SH3PXD2B: variants seen among roughly 807,000 people sequenced by gnomAD.
The protein encoded by SH3PXD2B is SH3 and PX domains 2B, also known as SH3 and PX domain-containing protein 2B.
In SH3PXD2B, 37 loss-of-function variants were observed where a neutral mutation model predicts 73.1. The ratio of observed to expected loss-of-function variants is 0.51; its 90% confidence interval spans 0.39 to 0.67. The LOEUF is 0.67. Among genes scored for constraint, SH3PXD2B ranks in the 30% least tolerant of loss-of-function variants. The pLI, the probability that SH3PXD2B is intolerant of heterozygous loss-of-function variation, is 0.00. For missense variants in SH3PXD2B, 1,053 were observed against 1,197.8 expected (o/e 0.88, Z 1.78); for synonymous variants, 457 against 480.5 (o/e 0.95, Z 0.64).
chr5:172,362,423 C>G (rs942295864), intron 7 of SH3PXD2B, among the ~76,000 whole-genome samples: 5 of 152,182 alleles, frequency 3.3e-5, no homozygotes, highest in African/African-American at 9.7e-5. Context: ...AAAGGCAAAT[C>G]AACAGAGCAC....
chr5:172,330,257 A>C (rs1470901989), downstream of SH3PXD2B, among the ~76,000 whole-genome samples: 2 of 152,028 alleles, frequency 1.3e-5, no homozygotes, highest in Admixed American at 1.3e-4. Flanking sequence ...CTTACAGACA[A>C]CTCCAAGGTA....
At chr5:172,436,994 T>C (rs904656525) in intron 1 of SH3PXD2B, among the ~76,000 whole-genome samples, 1 of 152,066 alleles carries the variant, frequency 6.6e-6, no homozygotes, top group African/African-American at 2.4e-5. Context: ...TCCATCAAGC[T>C]CCCACACTGG....
chr5:172,363,014 A>G (rs961028441), intron 6 of SH3PXD2B, 145 bp from the exon 7 acceptor site: 1 of 1,131,366 alleles, frequency 8.8e-7, no homozygotes. Context: ...TCATCCATTC[A>G]TTGTTCTATT....
intron 8 of SH3PXD2B, among the ~76,000 whole-genome samples, chr5:172,357,838 C>A (rs767882029): frequency 6.6e-6 from 1 of 152,206 alleles, no homozygotes; most frequent in African/African-American, 2.4e-5. Flanking sequence ...ACAGAAATTT[C>A]CCCCTTCTCC....
intron 8 of SH3PXD2B, among the ~76,000 whole-genome samples, chr5:172,356,428 G>A (rs190458684): frequency 6.6e-6 from 1 of 152,344 alleles, no homozygotes; most frequent in Non-Finnish European, 1.5e-5. Flanking sequence ...CCTGAATGAA[G>A]GAACAGGTCA....
chr5:172,451,980 AAAGCCACATGCAGAAAAAC>A (rs1215750394), intron 1 of SH3PXD2B, among the ~76,000 whole-genome samples: 1 of 152,224 alleles, frequency 6.6e-6, no homozygotes, highest in Non-Finnish European at 1.5e-5. Flanking sequence ...ATGAGTGACT[AAAGCCACATGCAGAAAAAC>A]AAGTTCTTGA....
In SH3PXD2B at chr5:172,333,846, A is replaced by G. The variant is rs1756622893; in HGVS notation, c.*4523T>C. 1 of 1,286,734 alleles carries G rather than the reference A, an allele frequency of 7.8e-7. No homozygotes were observed. Among genetic ancestry groups the G allele is most frequent in the African/African-American group, 1.5e-5 (1 of 65,768 alleles). 79.7% of individuals were successfully genotyped at this position (1,286,734 alleles called of 1,614,324 possible). A position where few individuals can be genotyped will look rare whatever the true frequency, so the allele number is the denominator to read the frequency against. On this transcript the variant is annotated 3_prime_UTR_variant, in exon 13 of 13. Transcript: ENST00000311601. ...AATGTGGGTTGTAATCAAGGTGGCC[A>G]CAGTTTATCATCACCCCTCTAAGTG... is the stretch of plus-strand genomic sequence containing the variant.
chr5:172,431,509 T>G (rs987657303), intron 1 of SH3PXD2B, among the ~76,000 whole-genome samples: 10 of 152,348 alleles, frequency 6.6e-5, no homozygotes, highest in African/African-American at 2.4e-4. Context: ...ATTCTCCTTT[T>G]GGCATGATGA....
At chr5:172,454,122 G>A (rs1759870151) in intron 1 of SH3PXD2B, among the ~76,000 whole-genome samples, 156 bp downstream of exon 1, 1 of 149,712 alleles carries the variant, frequency 6.7e-6, no homozygotes, top group South Asian at 2.1e-4. Context: ...AGGAGGAGTC[G>A]GGAGGGACCC....
intron 12 of SH3PXD2B, among the ~76,000 whole-genome samples, chr5:172,343,882 C>G (rs1358280898): frequency 6.6e-6 from 1 of 151,548 alleles, no homozygotes; most frequent in African/African-American, 2.4e-5. Flanking sequence ...CCTGGTTTCA[C>G]AACTCCATTG....
At chr5:172,409,331 G>A (rs1029323053) in intron 2 of SH3PXD2B, among the ~76,000 whole-genome samples, 2 of 150,972 alleles carry the variant, frequency 1.3e-5, no homozygotes, top group Non-Finnish European at 2.9e-5. Context: ...GCAGCGAGCC[G>A]AGACCGCGCC....
In SH3PXD2B at chr5:172,350,432, C is replaced by T. The variant is rs761507282; in HGVS notation, c.943G>A (p.Glu315Lys). 1 of 1,614,054 alleles carries T rather than the reference C, an allele frequency of 6.2e-7. No homozygotes were observed. The highest frequency in any genetic ancestry group is 8.5e-7 in the Non-Finnish European group (1 of 1,180,018). Residue 315 changes from glutamate (E) to lysine (K), a missense_variant, in exon 10 of 13, where the codon GAG becomes AAG. This residue lies in a region of SH3PXD2B where 466 missense variants were observed against 607.1 expected (regional missense o/e 0.77). Coordinates refer to ENST00000311601, the MANE Select transcript of SH3PXD2B (RefSeq NM_001017995.3). ...RQQNAVGREK[E>K]LLSSQRDGRF... ...CCGTCCCTCTGGCTGCTGAGCAGCT[C>T]CTTCTCCCTGCCCACCGCGTTCTGC...
At chr5:172,330,318 A>C (rs1042555965), downstream of SH3PXD2B, among the ~76,000 whole-genome samples, 3 of 152,212 alleles carry the variant, frequency 2.0e-5, no homozygotes, top group African/African-American at 7.2e-5. Flanking sequence ...TCTCTGTTGC[A>C]GTGAGTTACA....
intron 1 of SH3PXD2B, among the ~76,000 whole-genome samples, chr5:172,432,414 G>C (rs1301251582): frequency 6.6e-6 from 1 of 152,124 alleles, no homozygotes; most frequent in Non-Finnish European, 1.5e-5. Context: ...ACTAGGACAA[G>C]GATTCTTGTT....
intron 6 of SH3PXD2B, among the ~76,000 whole-genome samples, chr5:172,373,404 A>T (rs1171657525): frequency 6.6e-6 from 1 of 152,242 alleles, no homozygotes; most frequent in Non-Finnish European, 1.5e-5. Flanking sequence ...AGTGGAACAA[A>T]GGCATTTAAC....
rs753887482 is a variant in SH3PXD2B, at chr5:172,339,805, G to A, written c.1300C>T (p.Pro434Ser). The A allele has an allele frequency of 1.2e-6, 2 of 1,613,846 alleles. No homozygotes were observed. The highest frequency in any genetic ancestry group is 1.7e-6 in the Non-Finnish European group (2 of 1,179,692). ...KYKKTSNASR[P>S]NFLAPLPHEV... ...TGGGGCAGGGGAGCCAGAAAGTTGG[G>A]TCTCGACGCGTTGCTCGTCTTCTTG... Residue 434 changes from proline to serine, a missense_variant, in exon 13 of 13, where the codon CCC becomes TCC. By Grantham distance (74) the Pro-to-Ser change is moderately conservative (BLOSUM62 -1). Coordinates refer to ENST00000311601, the MANE Select transcript of SH3PXD2B (RefSeq NM_001017995.3). The surrounding 1 kb of genome is among the most constrained non-coding windows in gnomAD (Gnocchi z 6.1).
rs371476674 is a variant in SH3PXD2B, at chr5:172,376,030, C to CTT, written c.402-2217_402-2216dup. ...CTTGACAATACTTGTCATGTATCTTCTTTTTTTTTTTTTTTTTGAGGTGGA... is the reference window on the plus strand; with the variant it reads ...CTTGACAATACTTGTCATGTATCTTCTTTTTTTTTTTTTTTTTTTGAGGTGGA... On this transcript the variant is annotated intron_variant, in intron 5 of 12. Coordinates refer to ENST00000311601, the MANE Select transcript of SH3PXD2B (RefSeq NM_001017995.3). Among the ~76,000 whole-genome samples, 706 of 136,152 alleles carry CTT rather than the reference C, an allele frequency of 5.2e-3. 12 individuals are homozygous for CTT. The highest frequency in any genetic ancestry group is 0.018 in the African/African-American group (659 of 35,696). 89.3% of individuals were successfully genotyped at this position (136,152 alleles called of 152,430 possible). A position where few individuals can be genotyped will look rare whatever the true frequency, so the allele number is the denominator to read the frequency against.
rs1757622841 is a variant in SH3PXD2B, at chr5:172,368,678, T to TATATATATTATATATATATAAA, written c.427+5111_427+5112insTTTATATATATATAATATATAT. Among the ~76,000 whole-genome samples the TATATATATTATATATATATAAA allele has an allele frequency of 1.4e-4, 6 of 41,552 alleles. 1 individual carries two copies. Among genetic ancestry groups the TATATATATTATATATATATAAA allele is most frequent in the Non-Finnish European group, 1.8e-4 (5 of 28,452 alleles). 27.3% of individuals were successfully genotyped at this position (41,552 alleles called of 152,430 possible). A position where few individuals can be genotyped will look rare whatever the true frequency, so the allele number is the denominator to read the frequency against. ...ATATATATATTATATATATATAAAA[T>TATATATATTATATATATATAAA]ATATATGTTATATATATAAAATATA... is the stretch of plus-strand genomic sequence containing the variant. On this transcript the variant is annotated intron_variant, in intron 6 of 12. Transcript: ENST00000311601.
At chr5:172,434,928 C>CA (rs1257123397) in intron 1 of SH3PXD2B, among the ~76,000 whole-genome samples, 1 of 152,074 alleles carries the variant, frequency 6.6e-6, no homozygotes, top group Non-Finnish European at 1.5e-5. Context: ...GGATTACAGG[C>CA]ATGCACCACC....
Sources: gnomAD v4.1 joint callset for allele counts (sites outside exome capture counted in the v4.1 genomes callset) on GRCh38, gnomAD v4.1.1 for gene constraint, gnomAD v4.1.1 regional missense constraint, Gnocchi (gnomAD v3.1) non-coding constraint, MANE v1.5 for transcripts, NCBI Gene and HGNC (gene_info 2026-07-23, HGNC 2026-07-21) for gene names.